The following FRMD5 variants were observed in gnomAD, a reference collection of about 807,000 sequenced individuals.
The protein encoded by FRMD5 is FERM domain containing 5.
A neutral mutation model predicts 69.0 loss-of-function variants in FRMD5; 20 were observed. The observed-to-expected ratio is 0.29, with a 90% CI of 0.20 to 0.42. FRMD5 has a LOEUF of 0.42. Ranked by LOEUF, FRMD5 falls within the 10% of genes least tolerant of loss-of-function variation. The pLI, the probability that FRMD5 is intolerant of heterozygous loss-of-function variation, is 1.00. For missense variants in FRMD5, 595 were observed against 708.6 expected (o/e 0.84, Z 1.82); for synonymous variants, 271 against 260.1 (o/e 1.04, Z -0.40).
chr15:44,017,145 T>C (rs1238153772), intron 1 of FRMD5, among the ~76,000 whole-genome samples: 1 of 151,964 alleles, frequency 6.6e-6, no homozygotes, highest in Non-Finnish European at 1.5e-5. Flanking sequence ...AAGACCATCC[T>C]GGCTAACACG....
At chr15:43,891,176 G>A (rs1046316479) in intron 8 of FRMD5, among the ~76,000 whole-genome samples, 1 of 152,228 alleles carries the variant, frequency 6.6e-6, no homozygotes, top group African/African-American at 2.4e-5. Flanking sequence ...GACGCTGACA[G>A]ATGTTTGTAT....
At chr15:44,044,330 A>T (rs1346684666) in intron 1 of FRMD5, among the ~76,000 whole-genome samples, 1 of 152,198 alleles carries the variant, frequency 6.6e-6, no homozygotes, top group East Asian at 1.9e-4. Context: ...GTGGGACTGT[A>T]AACTAGTTCA....
chr15:43,891,451 A>G (rs187491508), intron 8 of FRMD5, among the ~76,000 whole-genome samples: 2 of 152,346 alleles, frequency 1.3e-5, no homozygotes, highest in East Asian at 3.9e-4. Flanking sequence ...AGACAGCAGC[A>G]ACTGAGCTTT....
At chr15:43,910,959 A>G (rs904955170) in intron 4 of FRMD5, among the ~76,000 whole-genome samples, 1 of 152,246 alleles carries the variant, frequency 6.6e-6, no homozygotes, top group African/African-American at 2.4e-5. Context: ...CTTCATCACT[A>G]TGATATTCTG....
At chr15:44,024,999 C>A (rs372940122) in intron 1 of FRMD5, among the ~76,000 whole-genome samples, 1 of 152,176 alleles carries the variant, frequency 6.6e-6, no homozygotes, top group Admixed American at 6.5e-5. Context: ...CTTTACCAAA[C>A]TAGCTGTATG....
chr15:43,874,141 T>C lies in FRMD5; in HGVS notation c.1457A>G (p.His486Arg). 1 of 1,614,230 alleles carries C rather than the reference T, an allele frequency of 6.2e-7. No homozygotes were observed. The highest frequency in any genetic ancestry group is 8.5e-7 in the Non-Finnish European group (1 of 1,180,042). ...CACCTGTTCCTCCTCGGGCCCGCTG[T>C]GCCCCTGACACAGGGCCCTCAGCTC... is the stretch of plus-strand genomic sequence containing the variant. Reference protein sequence around the residue: ...GGELRALCQGHSGPEEEQVNK... With the variant: ...GGELRALCQGRSGPEEEQVNK... The change falls in exon 14 of 14, where the codon CAC (histidine) becomes CGC (arginine). Residue 486 changes from histidine to arginine, a missense_variant. His to Arg is a conservative substitution (Grantham distance 29). This residue lies in a region of FRMD5 where 245 missense variants were observed against 227.1 expected (regional missense o/e 1.08). Coordinates refer to ENST00000417257, the MANE Select transcript of FRMD5 (RefSeq NM_032892.5).
At chr15:44,096,472 G>C (rs948602705) in intron 1 of FRMD5, among the ~76,000 whole-genome samples, 6 of 148,658 alleles carry the variant, frequency 4.0e-5, no homozygotes, top group Non-Finnish European at 4.4e-5. Context: ...GTGTGATCTT[G>C]GTTCACTGCA....
chr15:44,065,662 C>T (rs997292154), intron 1 of FRMD5, among the ~76,000 whole-genome samples: 1 of 152,128 alleles, frequency 6.6e-6, no homozygotes. Context: ...ATGACCCACC[C>T]ATCCTTAAAG....
intron 6 of FRMD5, among the ~76,000 whole-genome samples, chr15:43,903,395 TAGTC>T (rs1194754397): frequency 6.6e-6 from 1 of 152,288 alleles, no homozygotes; most frequent in East Asian, 1.9e-4. Context: ...GGAGAGGCAT[TAGTC>T]AGGCAGCACC....
chr15:43,989,236 G>T, intron 1 of FRMD5: 1 of 798,038 alleles, frequency 1.3e-6, no homozygotes, highest in Non-Finnish European at 2.3e-6. Context: ...CGCCAGGGTG[G>T]TGATCTTCTG....
At chr15:44,095,295 TGG>T (rs1453714038) in intron 1 of FRMD5, among the ~76,000 whole-genome samples, 1 of 152,002 alleles carries the variant, frequency 6.6e-6, no homozygotes, top group Non-Finnish European at 1.5e-5. Flanking sequence ...CTCAATCTCC[TGG>T]GCTCAAGAGA....
chr15:43,964,642 T>C (rs1482402486), intron 1 of FRMD5, among the ~76,000 whole-genome samples: 1 of 152,202 alleles, frequency 6.6e-6, no homozygotes, highest in Non-Finnish European at 1.5e-5. Flanking sequence ...TGTGTAAGCA[T>C]GCACATATTC....
intron 1 of FRMD5, among the ~76,000 whole-genome samples, chr15:44,064,912 G>T (rs2140393586): frequency 6.6e-6 from 1 of 152,264 alleles, no homozygotes; most frequent in Non-Finnish European, 1.5e-5. Flanking sequence ...AGTATCATGG[G>T]TATATTACAC....
chr15:44,177,024 A>T (rs938765186), intron 1 of FRMD5, among the ~76,000 whole-genome samples: 1 of 151,170 alleles, frequency 6.6e-6, no homozygotes, highest in Non-Finnish European at 1.5e-5. Context: ...AGAAACTGGA[A>T]CCCTTGAGCC....
At chr15:43,994,413 T>C (rs1486068736) in intron 1 of FRMD5, among the ~76,000 whole-genome samples, 1 of 152,214 alleles carries the variant, frequency 6.6e-6, no homozygotes, top group Non-Finnish European at 1.5e-5. Context: ...TTTTATATTG[T>C]GTATTCATTA....
At chr15:44,153,267 A>G (rs1242936239) in intron 1 of FRMD5, among the ~76,000 whole-genome samples, 1 of 152,256 alleles carries the variant, frequency 6.6e-6, no homozygotes, top group East Asian at 1.9e-4. Flanking sequence ...TTGTATATCC[A>G]TGTTCACAGC....
intron 7 of FRMD5, among the ~76,000 whole-genome samples, chr15:43,897,709 G>A (rs1281627535): frequency 6.6e-6 from 1 of 152,038 alleles, no homozygotes; most frequent in Non-Finnish European, 1.5e-5. Context: ...AAAGACACTG[G>A]TGAACTTACA....
At chr15:44,101,865 C>A (rs1225013461) in intron 1 of FRMD5, among the ~76,000 whole-genome samples, 1 of 152,182 alleles carries the variant, frequency 6.6e-6, no homozygotes, top group Non-Finnish European at 1.5e-5. Flanking sequence ...TTCCTGGGCC[C>A]AACTTTAAGA....
At chr15:44,140,448 T>C (rs1473183753) in intron 1 of FRMD5, among the ~76,000 whole-genome samples, 1 of 152,116 alleles carries the variant, frequency 6.6e-6, no homozygotes, top group Non-Finnish European at 1.5e-5. Context: ...AAGATACCCG[T>C]TACCACCACT....
Sources: gnomAD v4.1 joint callset for allele counts (sites outside exome capture counted in the v4.1 genomes callset) on GRCh38, gnomAD v4.1.1 for gene constraint, gnomAD v4.1.1 regional missense constraint, MANE v1.5 for transcripts, NCBI Gene and HGNC (gene_info 2026-07-23, HGNC 2026-07-21) for gene names.